The following BEST3 variants were observed in gnomAD, a reference collection of about 807,000 sequenced individuals.
BEST3 encodes the protein bestrophin 3.
A neutral mutation model predicts 47.1 loss-of-function variants in BEST3; 50 were observed. That is an observed-to-expected ratio of 1.06 (90% confidence interval 0.85 to 1.34). BEST3 has a LOEUF of 1.34. BEST3 is among the 40% of genes most tolerant of loss of function. The pLI is 0.00. For missense variants in BEST3, 765 were observed against 817.0 expected (o/e 0.94, Z 0.78); for synonymous variants, 282 against 298.8 (o/e 0.94, Z 0.58).
Position 69,688,682 on chromosome 12 carries a change from C to T in BEST3, c.481+4992G>A, listed in dbSNP as rs1436280604. Reference sequence around the variant, plus strand: ...CTGGTCCTCACTCTTGGCCCTCTCGCTTATTTCCTTCTGGCCAGCACTGAA... The same window carrying T: ...CTGGTCCTCACTCTTGGCCCTCTCGTTTATTTCCTTCTGGCCAGCACTGAA... On this transcript the variant is annotated intron_variant, in intron 4 of 9. Transcript: ENST00000330891. Among the ~76,000 whole-genome samples the T allele has an allele frequency of 3.9e-5, 6 of 152,308 alleles. No homozygotes were observed. The East Asian group carries it at 7.7e-4, about 20-fold the overall frequency.
rs1210127327 is a variant in BEST3, at chr12:69,671,559, G to A, written c.969C>T (p.Asp323=). 5.0e-6 allele frequency: 8 copies of A among 1,613,492 alleles called. No homozygotes were observed. The highest frequency in any genetic ancestry group is 2.2e-5 in the South Asian group (2 of 91,054). Residue 323 remains aspartate, a synonymous_variant, in exon 9 of 10, where the codon GAC becomes GAT. Transcript: ENST00000330891. ...RNLQVSLLAV[D]EMHMSLPKMK... is the part of the protein sequence containing the mutation. ...TCTTGGGTAAGCTCATGTGCATTTC[G>A]TCCACAGCTAAAAGAGAGACCTAAA...
At chr12:69,696,410 T>C (rs1886135110) in intron 2 of BEST3, among the ~76,000 whole-genome samples, 1 of 152,164 alleles carries the variant, frequency 6.6e-6, no homozygotes, top group Non-Finnish European at 1.5e-5. Context: ...AAATTCACAT[T>C]AGTAAAAATG....
downstream of BEST3, among the ~76,000 whole-genome samples, chr12:69,649,174 T>A (rs74585484): frequency 0.012 from 1,837 of 152,314 alleles, 38 homozygotes; most frequent in African/African-American, 0.042. Context: ...TTGTACTTTT[T>A]TTTAGTAGAG....
chr12:69,665,050 A>G (rs1884106341), intron 9 of BEST3, among the ~76,000 whole-genome samples: 2 of 151,750 alleles, frequency 1.3e-5, no homozygotes, highest in Non-Finnish European at 2.9e-5. Context: ...CGAACACCAG[A>G]GGGAGTCTTA....
intron 9 of BEST3, among the ~76,000 whole-genome samples, chr12:69,662,433 C>T (rs1883927578): frequency 1.3e-5 from 2 of 152,120 alleles, no homozygotes; most frequent in Non-Finnish European, 2.9e-5. Context: ...ATAAAGTCTT[C>T]ACTTACTAAA....
At chr12:69,649,700 A>G (rs1256896447), downstream of BEST3, among the ~76,000 whole-genome samples, 6 of 152,318 alleles carry the variant, frequency 3.9e-5, no homozygotes, top group Admixed American at 6.5e-5. Context: ...GTTTAGCAGC[A>G]TTTCTGGCCT....
chr12:69,644,546 A>G (rs1882973031), intron 9 of BEST3, among the ~76,000 whole-genome samples: 1 of 152,228 alleles, frequency 6.6e-6, no homozygotes, highest in African/African-American at 2.4e-5. Flanking sequence ...AAGTAACTCT[A>G]TTTTAATGGC....
chr12:69,684,981 GTTCTATTCTATTCTATTCTA>G lies in BEST3; in HGVS notation c.482-6108_482-6089del, dbSNP rs59611126. On this transcript the variant is annotated intron_variant, in intron 4 of 9. Transcript: ENST00000330891. ...CCTGCCACATGATGTGCTTTCTGCT[GTTCTATTCTATTCTATTCTA>G]TTCTATTCTATTCTATTCTATTCTA... Among the ~76,000 whole-genome samples, 1,309 of 142,200 alleles carry G rather than the reference GTTCTATTCTATTCTATTCTA, an allele frequency of 9.2e-3. 18 individuals carry two copies. The highest frequency in any genetic ancestry group is 0.028 in the African/African-American group (1,097 of 38,508). The allele number at this position is 142,200 out of a possible 152,430, so 93.3% of individuals were successfully genotyped here. A position where few individuals can be genotyped will look rare whatever the true frequency, so the allele number is the denominator to read the frequency against.
At chr12:69,649,739 C>T (rs555623251), downstream of BEST3, among the ~76,000 whole-genome samples, 5 of 152,192 alleles carry the variant, frequency 3.3e-5, no homozygotes, top group Admixed American at 6.6e-5. Context: ...AAATACTCCC[C>T]AGCCTGACAA....
In BEST3 at chr12:69,690,106, G is replaced by A. The variant is rs564625063; in HGVS notation, c.481+3568C>T. 7.9e-5 allele frequency among the ~76,000 whole-genome samples: 12 copies of A among 152,308 alleles called. No homozygotes were observed. The South Asian group carries it at 1.7e-3, about 21-fold the overall frequency. Reference sequence around the variant, plus strand: ...TCTATAATAATTCAGAGGGACTGACGTGGGTGGGACCCAGGAATATGCATT... The same window carrying A: ...TCTATAATAATTCAGAGGGACTGACATGGGTGGGACCCAGGAATATGCATT... On this transcript the variant is annotated intron_variant, in intron 4 of 9. Coordinates refer to ENST00000330891, the MANE Select transcript of BEST3 (RefSeq NM_032735.3).
intron 5 of BEST3, among the ~76,000 whole-genome samples, chr12:69,677,672 T>C (rs182157197): frequency 8.7e-4 from 133 of 152,226 alleles, no homozygotes; most frequent in Non-Finnish European, 1.7e-3. Context: ...TCCCAGTTAC[T>C]CCAGAGGCTG....
intron 4 of BEST3, chr12:69,684,345 T>C: frequency 2.4e-6 from 1 of 418,490 alleles, no homozygotes; most frequent in Non-Finnish European, 4.2e-6. Flanking sequence ...TGAGTTGTGG[T>C]TTGATGGAGC....
chr12:69,646,027 C>A (rs906012920), intron 9 of BEST3, among the ~76,000 whole-genome samples: 1 of 152,118 alleles, frequency 6.6e-6, no homozygotes, highest in African/African-American at 2.4e-5. Flanking sequence ...ACCTCTGCCC[C>A]CGAGGTTCAA....
intron 9 of BEST3, chr12:69,643,834 A>G (rs1018406478): frequency 4.5e-6 from 3 of 662,078 alleles, no homozygotes; most frequent in Non-Finnish European, 5.6e-6. Flanking sequence ...TTCTACACGT[A>G]TACAGGTGCT....
chr12:69,663,890 C>T (rs1884021162), intron 9 of BEST3, among the ~76,000 whole-genome samples: 1 of 152,112 alleles, frequency 6.6e-6, no homozygotes, highest in South Asian at 2.1e-4. Flanking sequence ...AAGGATTCCG[C>T]AGTATTACAA....
chr12:69,679,414 A>G (rs1218749365), intron 4 of BEST3, among the ~76,000 whole-genome samples: 1 of 151,922 alleles, frequency 6.6e-6, no homozygotes, highest in East Asian at 1.9e-4. Context: ...TTCCTGAGGG[A>G]TTTCTTCCCT....
Position 69,672,976 on chromosome 12 carries a change from G to A in BEST3, c.868-11C>T, listed in dbSNP as rs372468967. 1 of 1,599,576 alleles carries A rather than the reference G, an allele frequency of 6.3e-7. No individual in the cohort carries two copies. The highest frequency in any genetic ancestry group is 1.3e-5 in the African/African-American group (1 of 74,416). On this transcript the variant is annotated splice_polypyrimidine_tract_variant and intron_variant, in intron 7 of 9. Transcript: ENST00000330891. ...AAGCTGCTCTGCTACCTGTAGTTGA[G>A]AACATAAAATAAATCCATCATGATA...
chr12:69,652,904 T>C (rs955163676), downstream of BEST3, among the ~76,000 whole-genome samples: 2 of 152,208 alleles, frequency 1.3e-5, no homozygotes, highest in Non-Finnish European at 2.9e-5. Flanking sequence ...CTTGATCCCA[T>C]AGTCTATACG....
chr12:69,645,493 T>A (rs1008616326), intron 9 of BEST3, among the ~76,000 whole-genome samples: 1 of 151,908 alleles, frequency 6.6e-6, no homozygotes, highest in Non-Finnish European at 1.5e-5. Flanking sequence ...TCGGCAGAGG[T>A]GGTTGAGTGG....
Sources: gnomAD v4.1 joint callset for allele counts (sites outside exome capture counted in the v4.1 genomes callset) on GRCh38, gnomAD v4.1.1 for gene constraint, MANE v1.5 for transcripts, NCBI Gene and HGNC (gene_info 2026-07-23, HGNC 2026-07-21) for gene names.